Variants in WDR41 observed in about 807,000 individuals in gnomAD.
WDR41 encodes the protein WD repeat domain 41.
A neutral mutation model predicts 69.3 loss-of-function variants in WDR41; 63 were observed. The observed-to-expected ratio is 0.91, with a 90% CI of 0.74 to 1.12. The LOEUF (loss-of-function observed/expected upper bound fraction) is 1.12. WDR41 is among the 50% of genes most tolerant of loss of function. WDR41 has a pLI of 0.00. For synonymous variants in WDR41, 185 were observed against 192.1 expected, an observed-to-expected ratio of 0.96 and a Z score of 0.31; for missense variants, 543 against 534.5, an observed-to-expected ratio of 1.02 and a Z score of -0.16.
chr5:77,498,816 CAAAA>C (rs35946022), intron 1 of WDR41, among the ~76,000 whole-genome samples: 1 of 87,438 alleles, frequency 1.1e-5, no homozygotes. Context: ...AAGACCCCAT[CAAAA>C]AAAAAAAAAG....
At chr5:77,605,625 T>C (rs1463872178) in intron 1 of WDR41, among the ~76,000 whole-genome samples, 1 of 152,174 alleles carries the variant, frequency 6.6e-6, no homozygotes, top group Non-Finnish European at 1.5e-5. Flanking sequence ...AAGGCTCAGA[T>C]AGGACTGGTT....
intron 1 of WDR41, 110 bp downstream of exon 1, chr5:77,492,059 GC>G: frequency 7.3e-7 from 1 of 1,360,626 alleles, no homozygotes; most frequent in South Asian, 1.3e-5. Flanking sequence ...TCAGCAGCCA[GC>G]CCCGCCTCCG....
intron 2 of WDR41, among the ~76,000 whole-genome samples, chr5:77,468,787 C>G (rs2151332126): frequency 6.6e-6 from 1 of 152,302 alleles, no homozygotes. Context: ...CAAGTACTTT[C>G]TAATGCATGA....
At chr5:77,601,281 T>C (rs368609730) in intron 1 of WDR41, among the ~76,000 whole-genome samples, 20 of 152,186 alleles carry the variant, frequency 1.3e-4, no homozygotes, top group African/African-American at 4.3e-4. Flanking sequence ...ATTTTTATTT[T>C]GTCGAGATAT....
At chr5:77,536,805 A>G (rs150709663) in intron 1 of WDR41, among the ~76,000 whole-genome samples, 114 of 152,240 alleles carry the variant, frequency 7.5e-4, no homozygotes, top group Middle Eastern at 3.4e-3. Context: ...TTATGCAAGT[A>G]CTCTCTATGA....
At chr5:77,472,287 GCTAT>G (rs1800660810) in intron 2 of WDR41, among the ~76,000 whole-genome samples, 1 of 152,072 alleles carries the variant, frequency 6.6e-6, no homozygotes, top group Non-Finnish European at 1.5e-5. Flanking sequence ...ACTAATAAGA[GCTAT>G]CTGTGACAAA....
chr5:77,475,859 G>A (rs28762432), intron 2 of WDR41, among the ~76,000 whole-genome samples: 15,739 of 152,162 alleles, frequency 0.1, 1,015 homozygotes, highest in Middle Eastern at 0.19. Context: ...GGCTTCAGAC[G>A]ATGAAATTAC....
chr5:77,510,766 ATTTTTTT>A (rs58752727), intron 1 of WDR41, among the ~76,000 whole-genome samples: 1 of 99,588 alleles, frequency 1.0e-5, no homozygotes, highest in Non-Finnish European at 1.9e-5. Flanking sequence ...TCCAAATTCA[ATTTTTTT>A]TTTTTTTTTT....
intron 1 of WDR41, among the ~76,000 whole-genome samples, chr5:77,539,465 T>A (rs1743049383): frequency 2.6e-5 from 4 of 152,162 alleles, no homozygotes; most frequent in African/African-American, 9.7e-5. Flanking sequence ...TGGGGCTGAT[T>A]CTGCCTTTCT....
intron 1 of WDR41, among the ~76,000 whole-genome samples, chr5:77,611,693 A>T (rs1744555526): frequency 6.6e-6 from 1 of 152,148 alleles, no homozygotes. Flanking sequence ...AAAGCAGGAA[A>T]GATCCAAAAT....
At chr5:77,539,113 G>A (rs1306594598) in intron 1 of WDR41, among the ~76,000 whole-genome samples, 1 of 151,928 alleles carries the variant, frequency 6.6e-6, no homozygotes, top group African/African-American at 2.4e-5. Context: ...TTTTTATAAA[G>A]GCATTCATCT....
At chr5:77,575,684 A>C (rs560864664) in intron 1 of WDR41, among the ~76,000 whole-genome samples, 27 of 152,322 alleles carry the variant, frequency 1.8e-4, no homozygotes, top group African/African-American at 6.0e-4. Flanking sequence ...CCCAGCATAC[A>C]GGAAAAATGC....
intron 12 of WDR41, among the ~76,000 whole-genome samples, chr5:77,433,736 A>C (rs1581684661): frequency 7.3e-6 from 1 of 137,816 alleles, no homozygotes; most frequent in Non-Finnish European, 1.6e-5. Context: ...TACCCTCAAG[A>C]AGATTCTGAA....
chr5:77,478,595 T>C (rs904553434), intron 2 of WDR41, among the ~76,000 whole-genome samples: 1 of 152,184 alleles, frequency 6.6e-6, no homozygotes, highest in Non-Finnish European at 1.5e-5. Flanking sequence ...TCTCAACAGA[T>C]GCAGAAAAGG....
intron 1 of WDR41, among the ~76,000 whole-genome samples, chr5:77,601,794 A>G (rs1309203012): frequency 1.3e-5 from 2 of 152,222 alleles, no homozygotes; most frequent in Non-Finnish European, 2.9e-5. Flanking sequence ...CATAAATGTC[A>G]AGGCTGAATC....
chr5:77,543,794 A>C (rs780422368), intron 1 of WDR41, among the ~76,000 whole-genome samples: 2 of 152,118 alleles, frequency 1.3e-5, no homozygotes, highest in Non-Finnish European at 2.9e-5. Flanking sequence ...CAAATACAAG[A>C]AGTACAAAGA....
At chr5:77,491,960 G>T (rs1352197420) in intron 1 of WDR41, 2 of 574,318 alleles carry the variant, frequency 3.5e-6, no homozygotes, top group Non-Finnish European at 6.0e-6. Flanking sequence ...TGCAGCTCCA[G>T]GGTGCGCCTG....
intron 1 of WDR41, among the ~76,000 whole-genome samples, chr5:77,528,265 G>A (rs756618625): frequency 1.7e-4 from 26 of 151,680 alleles, no homozygotes; most frequent in Non-Finnish European, 3.5e-4. Flanking sequence ...AATATTAAGA[G>A]GTGGCTACTA....
At chr5:77,541,052 C>A (rs6896842) in intron 1 of WDR41, among the ~76,000 whole-genome samples, 74,109 of 151,972 alleles carry the variant, frequency 0.49, 19,307 homozygotes, top group African/African-American at 0.69. Context: ...TACTACCAAC[C>A]AATTCTCATT....
Sources: gnomAD v4.1 joint callset for allele counts (sites outside exome capture counted in the v4.1 genomes callset) on GRCh38, gnomAD v4.1.1 for gene constraint, MANE v1.5 for transcripts, NCBI Gene and HGNC (gene_info 2026-07-23, HGNC 2026-07-21) for gene names.